NISCH: variants seen among roughly 807,000 people sequenced by gnomAD.
The protein encoded by NISCH is I-1 receptor candidate protein.
Under a neutral mutation model 138.4 loss-of-function variants are expected in NISCH, and 55 were observed. That is an observed-to-expected ratio of 0.40 (90% confidence interval 0.32 to 0.50). The LOEUF is 0.50. Among genes scored for constraint, NISCH ranks in the 20% least tolerant of loss-of-function variants. The pLI, the probability that NISCH is intolerant of heterozygous loss-of-function variation, is 0.71. For missense variants in NISCH, 1,643 were observed against 2,005.5 expected (o/e 0.82, Z 3.45); for synonymous variants, 860 against 861.5 (o/e 1.00, Z 0.03).
Position 52,476,589 on chromosome 3 carries a change from A to C in NISCH, c.908A>C (p.Asp303Ala). The change falls in exon 8 of 21, where the codon GAC becomes GCC. Residue 303 changes from aspartate (D) to alanine (A), a missense_variant. Coordinates refer to ENST00000345716, the MANE Select transcript of NISCH (RefSeq NM_007184.4). ...AGCCACAACAGCGTCTCCGAGATCG[A>C]CGAGTCTGTGGTATGCTCTCAGCAG... is the stretch of plus-strand genomic sequence containing the variant. ...DLSHNSVSEI[D>A]ESVKLIPKIE... is the part of the protein sequence containing the mutation. 1.2e-6 allele frequency: 2 copies of C among 1,614,128 alleles called. No individual in the cohort carries two copies. The highest frequency in any genetic ancestry group is 1.7e-6 in the Non-Finnish European group (2 of 1,180,012).
rs1270683521 is a variant in NISCH, at chr3:52,487,298, C to A, written c.1806C>A (p.Phe602Leu). The A allele has an allele frequency of 6.2e-7, 1 of 1,614,214 alleles. No individual in the cohort carries two copies. The highest frequency in any genetic ancestry group is 8.5e-7 in the Non-Finnish European group (1 of 1,180,046). ...GCTACACGGCCACCAATCAGGACTT[C>A]ATCCAGCGCCTGAGCACACTGATCC... ...CIGYTATNQD[F>L]IQRLSTLIRQ... The change falls in exon 16 of 21, where the codon TTC becomes TTA. Residue 602 changes from phenylalanine (F) to leucine (L), a missense_variant. Transcript: ENST00000345716. This position sits in a 1 kb window ranked among gnomAD's most constrained non-coding sequence, Gnocchi z 9.1.
chr3:52,480,377 G>A (rs748797647), intron 13 of NISCH, 82 bp downstream of exon 13: 2 of 1,580,376 alleles, frequency 1.3e-6, no homozygotes, highest in Admixed American at 1.8e-5. Context: ...TGGGGGAGAG[G>A]TGCCAGCACC....
intron 3 of NISCH, among the ~76,000 whole-genome samples, chr3:52,468,585 T>G (rs980207398): frequency 1.3e-5 from 2 of 152,148 alleles, no homozygotes; most frequent in Admixed American, 1.3e-4. Context: ...AAGTTGAACT[T>G]CAGAGCACAC....
intron 8 of NISCH, 21 bp downstream of exon 8, chr3:52,476,620 G>A (rs1384671890): frequency 6.2e-7 from 1 of 1,613,282 alleles, no homozygotes; most frequent in Non-Finnish European, 8.5e-7. Context: ...AGCAGCAGGT[G>A]CCAGGGGTTT....
intron 10 of NISCH, 66 bp downstream of exon 10, chr3:52,478,348 T>C: frequency 1.9e-6 from 3 of 1,606,228 alleles, no homozygotes; most frequent in East Asian, 4.5e-5. Context: ...TAAAGAAGAA[T>C]GTTAAGATTC....
rs1016453826 is a variant in NISCH, at chr3:52,477,263, G to A, written c.919-311G>A. Among the ~76,000 whole-genome samples the A allele has an allele frequency of 5.3e-5, 8 of 152,322 alleles. No individual in the cohort carries two copies. In the South Asian group the frequency reaches 1.4e-3, roughly 28 times the overall value. ...AGAGTGTCGTTCCCGTGTTTGCGCT[G>A]CTCAGGGAGTGTGGGCAGGGTTGAA... On this transcript the variant is annotated intron_variant, in intron 8 of 20. Coordinates refer to ENST00000345716, the MANE Select transcript of NISCH (RefSeq NM_007184.4).
chr3:52,490,224 A>G lies in NISCH; in HGVS notation c.3606A>G (p.Pro1202=). The change falls in exon 18 of 21, where the codon CCA becomes CCG. Residue 1202 remains proline (P), a synonymous_variant. Transcript: ENST00000345716. ...HDGLRRYFSE[P]LQDFWHQKNT... ...GCCTCCGCCGCTACTTCTCAGAGCC[A>G]CTGCAGGGTAGGCACAGGGCCTGCT... 1 of 1,612,468 alleles carries G rather than the reference A, an allele frequency of 6.2e-7. No individual in the cohort carries two copies. Among genetic ancestry groups the G allele is most frequent in the Non-Finnish European group, 8.5e-7 (1 of 1,179,962 alleles).
chr3:52,490,915 G>C (rs1304926724), intron 19 of NISCH, 82 bp downstream of exon 19: 3 of 1,563,410 alleles, frequency 1.9e-6, no homozygotes, highest in Non-Finnish European at 2.6e-6. Flanking sequence ...ACGTGGGTGG[G>C]TTATCATAGA....
chr3:52,488,167 G>T lies in NISCH; in HGVS notation c.2675G>T (p.Arg892Leu), dbSNP rs201933512. The change falls in exon 16 of 21, where the codon CGC becomes CTC. Residue 892 changes from arginine (R) to leucine (L), a missense_variant. By Grantham distance (102) the Arg-to-Leu change is moderately radical. Transcript: ENST00000345716. ...ASCTLCSAVRRSCCAPSEAVK... is the reference protein window; with the variant it reads ...ASCTLCSAVRLSCCAPSEAVK... The stretch of plus-strand genomic sequence containing the variant: ...TGCACACTCTGTTCAGCCGTGCGGC[G>T]CTCCTGCTGCGCGCCCTCTGAGGCC... The T allele has an allele frequency of 3.1e-6, 5 of 1,613,260 alleles. No individual in the cohort carries two copies. Among genetic ancestry groups the T allele is most frequent in the South Asian group, 2.2e-5 (2 of 91,072 alleles).
intron 13 of NISCH, among the ~76,000 whole-genome samples, chr3:52,482,259 G>C (rs1206539545): frequency 6.6e-6 from 1 of 152,236 alleles, no homozygotes; most frequent in Non-Finnish European, 1.5e-5. Flanking sequence ...CTTCCAGCCT[G>C]ATTCCCGAGA....
chr3:52,479,675 A>T lies in NISCH; in HGVS notation c.1303-74A>T, dbSNP rs1044771075. On this transcript the variant is annotated intron_variant, in intron 11 of 20. Transcript: ENST00000345716. ...GCCATGCTCACCAGTCCCCATGCTG[A>T]TAGCCATCACCAGTCCCCATGCTGA... 4 of 1,061,240 alleles carry T rather than the reference A, an allele frequency of 3.8e-6. No individual in the cohort carries two copies. The African/African-American group carries it at 4.8e-5, about 13-fold the overall frequency. 65.7% of individuals were successfully genotyped at this position (1,061,240 alleles called of 1,614,324 possible). A position where few individuals can be genotyped will look rare whatever the true frequency, so the allele number is the denominator to read the frequency against.
intron 13 of NISCH, chr3:52,481,086 A>G: frequency 1.5e-6 from 2 of 1,308,288 alleles, no homozygotes; most frequent in Non-Finnish European, 1.9e-6. Flanking sequence ...AAGAGCCAGA[A>G]AAACATTCCC....
intron 7 of NISCH, among the ~76,000 whole-genome samples, chr3:52,474,111 GTGT>G (rs139491110): frequency 0.021 from 3,184 of 152,242 alleles, 57 homozygotes; most frequent in Non-Finnish European, 0.031. Flanking sequence ...TGGTGTTTTT[GTGT>G]TGTTTTGTTT....
intron 7 of NISCH, among the ~76,000 whole-genome samples, chr3:52,475,239 A>G (rs1707067267): frequency 6.6e-6 from 1 of 151,336 alleles, no homozygotes; most frequent in Non-Finnish European, 1.5e-5. Flanking sequence ...TTTCCTCTTG[A>G]GGCTTGCAGA....
chr3:52,491,882 G>T lies in NISCH; in HGVS notation c.3915G>T (p.Glu1305Asp), dbSNP rs757829264. ...GGCATCTCTCTGCAGGGAAGATGGA[G>T]AACTACGAGCTGATCCACTCTAGTC... The part of the protein sequence containing the change: ...EFGNKTTGKM[E>D]NYELIHSSRV... Residue 1305 changes from glutamate to aspartate, a missense_variant, in exon 21 of 21, where the codon GAG becomes GAT. Physicochemically the swap from Glu to Asp is conservative, Grantham distance 45. Coordinates refer to ENST00000345716, the MANE Select transcript of NISCH (RefSeq NM_007184.4). The T allele has an allele frequency of 1.3e-6, 2 of 1,590,726 alleles. No homozygotes were observed. Among genetic ancestry groups the T allele is most frequent in the Admixed American group, 3.4e-5 (2 of 58,888 alleles).
rs954962648 is a variant in NISCH at position 52,455,816 on chromosome 3, G to A, written c.93+82G>A. On this transcript the variant is annotated intron_variant, in intron 1 of 20. Transcript: ENST00000345716. ...ACTCGGGGGCTTGGGGAGGGGTCCG[G>A]GATCTGCAGCCCCGAGGAGCGGGTA... 4.8e-6 allele frequency: 5 copies of A among 1,031,554 alleles called. No individual in the cohort carries two copies. In the South Asian group the frequency reaches 1.6e-4, roughly 34 times the overall value. The allele number at this position is 1,031,554 out of a possible 1,614,324, so 63.9% of individuals were successfully genotyped here.
intron 7 of NISCH, among the ~76,000 whole-genome samples, chr3:52,475,452 G>T (rs1209926998): frequency 6.6e-6 from 1 of 152,162 alleles, no homozygotes; most frequent in Non-Finnish European, 1.5e-5. Flanking sequence ...GGTTTTAAAG[G>T]CCTGGTGTCC....
At position 52,461,515 on chromosome 3, in the gene NISCH, C is replaced by T. The variant is rs559465472; in HGVS notation, c.360+2671C>T. Among the ~76,000 whole-genome samples, 5 of 152,284 alleles carry T rather than the reference C, an allele frequency of 3.3e-5. No homozygotes were observed. The South Asian group carries it at 1.0e-3, about 32-fold the overall frequency. On this transcript the variant is annotated intron_variant, in intron 3 of 20. Coordinates refer to ENST00000345716, the MANE Select transcript of NISCH (RefSeq NM_007184.4). ...ACTTTCTTATGTGAGAAAAAATTTGCATTCCTTATGCAAGTCTTTCAGATA... is the reference window on the plus strand; with the variant it reads ...ACTTTCTTATGTGAGAAAAAATTTGTATTCCTTATGCAAGTCTTTCAGATA...
chr3:52,480,301 C>T lies in NISCH; in HGVS notation c.1528+6C>T, dbSNP rs373156826. On this transcript the variant is annotated splice_donor_region_variant and intron_variant, in intron 13 of 20. Transcript: ENST00000345716. ...GCCCATCCTCTCTAACCAAGGTAAT[C>T]GTGTATGTATCTTGCTTCTAGTGGA... 4.3e-6 allele frequency: 7 copies of T among 1,613,766 alleles called. No homozygotes were observed. Among genetic ancestry groups the T allele is most frequent in the Admixed American group, 1.7e-5 (1 of 60,012 alleles).
Sources: gnomAD v4.1 joint callset for allele counts (sites outside exome capture counted in the v4.1 genomes callset) on GRCh38, gnomAD v4.1.1 for gene constraint, Gnocchi (gnomAD v3.1) non-coding constraint, MANE v1.5 for transcripts, NCBI Gene and HGNC (gene_info 2026-07-23, HGNC 2026-07-21) for gene names.